The following CHD2 variants were observed in gnomAD, a reference collection of about 807,000 sequenced individuals.
The protein encoded by CHD2 is chromodomain helicase DNA binding protein 2, also known as ATP-dependent chromatin remodeler CHD2.
CHD2 carries 28 observed loss-of-function variants against 243.9 expected under a neutral mutation model. That is an observed-to-expected ratio of 0.11 (90% CI 0.09 to 0.16). The LOEUF (loss-of-function observed/expected upper bound fraction) is 0.16, where lower values mean the gene tolerates loss of function less well. CHD2 is among the 10% of genes least tolerant of loss of function. The pLI, the probability that CHD2 is intolerant of heterozygous loss-of-function variation, is 1.00. For synonymous variants in CHD2, 775 were observed against 779.0 expected (o/e 0.99, Z 0.09); for missense variants, 1,386 against 2,209.8 (o/e 0.63, Z 7.47).
chr15:92,960,705 G>GT (rs71467745), intron 16 of CHD2, among the ~76,000 whole-genome samples: 5,416 of 51,354 alleles, frequency 0.11, 1,238 homozygotes, highest in African/African-American at 0.14. Context: ...TCTGTTTGGT[G>GT]TTTTTTTTTT....
intron 2 of CHD2, 111 bp from the exon 3 acceptor site, chr15:92,924,210 T>C: frequency 2.3e-6 from 2 of 857,160 alleles, no homozygotes; most frequent in Non-Finnish European, 3.6e-6. Flanking sequence ...ATTTTGGTCT[T>C]ATATTACTAA....
intron 34 of CHD2, among the ~76,000 whole-genome samples, chr15:93,007,956 C>A (rs1235580342): frequency 1.3e-5 from 2 of 152,192 alleles, no homozygotes; most frequent in Non-Finnish European, 2.9e-5. Context: ...TTTGCTGACC[C>A]TCAGTTGTCA....
intron 5 of CHD2, among the ~76,000 whole-genome samples, chr15:92,931,461 C>T (rs1280669174): frequency 6.6e-6 from 1 of 152,084 alleles, no homozygotes; most frequent in African/African-American, 2.4e-5. Context: ...CTCTCTGCAG[C>T]CTCAATCTCC....
At chr15:92,918,824 C>CAT (rs879783857) in intron 2 of CHD2, among the ~76,000 whole-genome samples, 2 of 151,180 alleles carry the variant, frequency 1.3e-5, no homozygotes, top group Admixed American at 6.6e-5. Context: ...TACACATATA[C>CAT]ATATATATAC....
chr15:92,943,827 A>G (rs1270663167), intron 9 of CHD2: 3 of 152,440 alleles, frequency 2.0e-5, no homozygotes, highest in African/African-American at 7.2e-5. Flanking sequence ...TGGTTTTACT[A>G]CTGTGCAAAA....
chr15:92,913,126 A>G (rs1188386087), intron 2 of CHD2, among the ~76,000 whole-genome samples: 1 of 152,136 alleles, frequency 6.6e-6, no homozygotes, highest in East Asian at 1.9e-4. Flanking sequence ...AAATTCAGCA[A>G]TTCTAGGGTT....
In CHD2 at chr15:92,972,191, T is replaced by C. The variant is rs566248064; in HGVS notation, c.2353-74T>C. On this transcript the variant is annotated intron_variant, in intron 18 of 38. Coordinates refer to ENST00000394196, the MANE Select transcript of CHD2 (RefSeq NM_001271.4). The stretch of plus-strand genomic sequence containing the variant: ...AAGCTTTAAGATGATTTTTAAAATA[T>C]GGATTTGTAGAGATTAGGGAAGATT... The C allele has an allele frequency of 1.7e-4, 245 of 1,467,102 alleles. 2 individuals are homozygous for C. The highest frequency in any genetic ancestry group is 1.3e-3 in the Middle Eastern group (7 of 5,520). The allele number at this position is 1,467,102 out of a possible 1,614,324, so 90.9% of individuals were successfully genotyped here.
At chr15:92,904,957 T>C in intron 2 of CHD2, 1 of 1,536,080 alleles carries the variant, frequency 6.5e-7, no homozygotes, top group Non-Finnish European at 8.7e-7. Context: ...CCATGCGTTT[T>C]TACTTGGTAC....
chr15:92,907,654 A>G (rs2052647359), intron 2 of CHD2, among the ~76,000 whole-genome samples: 1 of 152,202 alleles, frequency 6.6e-6, no homozygotes, highest in Admixed American at 6.5e-5. Context: ...TTCTCATTTT[A>G]AAAATGTAGA....
At chr15:92,994,045 T>C (rs1041015626) in intron 28 of CHD2, among the ~76,000 whole-genome samples, 1 of 152,244 alleles carries the variant, frequency 6.6e-6, no homozygotes, top group Non-Finnish European at 1.5e-5. Flanking sequence ...CTGTGGTTTA[T>C]CTGTGCCATT....
At chr15:93,008,954 C>G (rs559742466) in intron 34 of CHD2, among the ~76,000 whole-genome samples, 191 bp from the exon 35 acceptor site, 1 of 152,144 alleles carries the variant, frequency 6.6e-6, no homozygotes, top group African/African-American at 2.4e-5. Context: ...AGCGATGGTG[C>G]TGGCACTGCA....
In CHD2 at chr15:92,955,432, T is replaced by C. The variant is rs2141814817; in HGVS notation, c.1729T>C (p.Tyr577His). The part of the protein sequence containing the change: ...DLMSRNTIRE[Y>H]EWIHSQTKRL... ...TGTTTTTTTCTTATAGATACGGGAA[T>C]ATGAATGGATTCATTCCCAAACCAA... The change falls in exon 15 of 39, where the codon TAT becomes CAT. Residue 577 changes from tyrosine (Y) to histidine (H), a missense_variant. Tyr to His is a moderately conservative substitution (Grantham distance 83). This residue lies in a region of CHD2 where 63 missense variants were observed against 108.8 expected (regional missense o/e 0.58). Transcript: ENST00000394196. 1 of 1,581,830 alleles carries C rather than the reference T, an allele frequency of 6.3e-7. No homozygotes were observed. The highest frequency in any genetic ancestry group is 8.6e-7 in the Non-Finnish European group (1 of 1,166,376).
At chr15:92,905,081 G>A in intron 2 of CHD2, 2 of 1,310,758 alleles carry the variant, frequency 1.5e-6, no homozygotes, top group African/African-American at 1.5e-5. Context: ...AAAATTTCAC[G>A]TTCAATAACA....
chr15:92,923,984 G>A (rs954204689), intron 2 of CHD2, among the ~76,000 whole-genome samples: 1 of 152,150 alleles, frequency 6.6e-6, no homozygotes, highest in Admixed American at 6.5e-5. Flanking sequence ...TGTTAACTAG[G>A]TGTGAGAGTT....
chr15:92,993,002 A>G lies in CHD2; in HGVS notation c.3595+4A>G. 1 of 1,613,224 alleles carries G rather than the reference A, an allele frequency of 6.2e-7. No homozygotes were observed. The highest frequency in any genetic ancestry group is 8.5e-7 in the Non-Finnish European group (1 of 1,179,968). The stretch of plus-strand genomic sequence containing the variant: ...CTGAAAGAAAATGCCAGCGAGGGTA[A>G]GCGAAGTTGGCTTTAGTGAGTCTTC... On this transcript the variant is annotated splice_donor_region_variant and intron_variant, in intron 28 of 38. Transcript: ENST00000394196.
In CHD2 at chr15:92,991,417, T is replaced by C; in HGVS notation, c.3414-59T>C. The C allele has an allele frequency of 3.1e-6, 4 of 1,294,776 alleles. No individual in the cohort carries two copies. In the South Asian group the frequency reaches 5.0e-5, roughly 16 times the overall value. The allele number at this position is 1,294,776 out of a possible 1,614,324, so 80.2% of individuals were successfully genotyped here. A position where few individuals can be genotyped will look rare whatever the true frequency, so the allele number is the denominator to read the frequency against. The stretch of plus-strand genomic sequence containing the variant: ...TATGTCATCACAGGATATGCTAGCA[T>C]CAACATAACTAAAGTAAGTCTCTGT... On this transcript the variant is annotated intron_variant, in intron 26 of 38. Coordinates refer to ENST00000394196, the MANE Select transcript of CHD2 (RefSeq NM_001271.4).
chr15:93,008,509 C>G (rs1415183966), intron 34 of CHD2, among the ~76,000 whole-genome samples: 1 of 152,174 alleles, frequency 6.6e-6, no homozygotes, highest in Non-Finnish European at 1.5e-5. Context: ...CAGGTTAGTT[C>G]TAGGCTGTCT....
In CHD2 at chr15:92,940,559, A is replaced by C. The variant is rs2053344578; in HGVS notation, c.692+841A>C. ...GATTTTACAGATTTGTTCTTCATAG[A>C]GATGGTGAAAATGAATCCTAGAGAT... On this transcript the variant is annotated intron_variant, in intron 7 of 38. Transcript: ENST00000394196. Among the ~76,000 whole-genome samples the C allele has an allele frequency of 2.6e-5, 4 of 151,910 alleles. No individual in the cohort carries two copies. The South Asian group carries it at 8.3e-4, about 32-fold the overall frequency.
intron 2 of CHD2, chr15:92,902,719 G>A (rs549532279): frequency 6.6e-6 from 1 of 152,276 alleles, no homozygotes; most frequent in Non-Finnish European, 1.5e-5. Flanking sequence ...TTTCTGGAAA[G>A]TAATGACAAT....
Sources: allele counts gnomAD v4.1 joint callset (sites outside exome capture counted in the v4.1 genomes callset), GRCh38; gene constraint gnomAD v4.1.1; regional missense constraint gnomAD v4.1.1; transcripts MANE v1.5; gene names NCBI Gene and HGNC (gene_info 2026-07-23, HGNC 2026-07-21).